Variants in HYDIN observed in about 807,000 individuals in gnomAD.
The protein encoded by HYDIN is axonemal central pair apparatus protein HYDIN.
Under a neutral mutation model 403.9 loss-of-function variants are expected in HYDIN, and 132 were observed. That is an observed-to-expected ratio of 0.33 (90% CI 0.28 to 0.38). The LOEUF (loss-of-function observed/expected upper bound fraction) is 0.38, where lower values mean the gene tolerates loss of function less well. HYDIN is among the 10% of genes least tolerant of loss of function. HYDIN has a pLI of 1.00. For missense variants in HYDIN, 2,827 were observed against 5,009.5 expected (o/e 0.56, Z 13.15); for synonymous variants, 1,202 against 1,891.7 (o/e 0.64, Z 9.46).
chr16:71,094,057 G>A (rs1015774258), intron 10 of HYDIN, 122 bp from the exon 11 acceptor site: 88 of 674,660 alleles, frequency 1.3e-4, no homozygotes, highest in African/African-American at 1.3e-3. Flanking sequence ...GCATTGCACC[G>A]AGGGAACTGC....
At chr16:71,011,336 G>T (rs1194472888) in intron 23 of HYDIN, among the ~76,000 whole-genome samples, 1 of 152,172 alleles carries the variant, frequency 6.6e-6, no homozygotes, top group Non-Finnish European at 1.5e-5. Context: ...GGAGCACAGC[G>T]CTTGGATTCT....
chr16:70,932,079 G>T (rs2077358468), intron 45 of HYDIN, among the ~76,000 whole-genome samples: 1 of 148,844 alleles, frequency 6.7e-6, no homozygotes, highest in Non-Finnish European at 1.5e-5. Context: ...GATTGGCCAG[G>T]CGCAGTGGCT....
chr16:71,127,595 T>C (rs1485474341), intron 9 of HYDIN, among the ~76,000 whole-genome samples: 1 of 150,696 alleles, frequency 6.6e-6, no homozygotes, highest in Non-Finnish European at 1.5e-5. Flanking sequence ...TTCCTACTTC[T>C]GAAATAGAAA....
At chr16:71,228,730 T>C (rs2041150120) in intron 1 of HYDIN, among the ~76,000 whole-genome samples, 1 of 152,188 alleles carries the variant, frequency 6.6e-6, no homozygotes, top group African/African-American at 2.4e-5. Context: ...AGTTCAACCA[T>C]TGTGGAAGAC....
At chr16:70,828,804 A>G (rs558365508) in intron 81 of HYDIN, among the ~76,000 whole-genome samples, 2 of 152,246 alleles carry the variant, frequency 1.3e-5, no homozygotes, top group Admixed American at 1.3e-4. Flanking sequence ...TATCATAAAG[A>G]CCGCATAGTT....
At chr16:71,211,598 C>A (rs923508604) in intron 1 of HYDIN, among the ~76,000 whole-genome samples, 5 of 142,240 alleles carry the variant, frequency 3.5e-5, no homozygotes, top group Non-Finnish European at 6.1e-5. Context: ...GCCAAGATTG[C>A]GCCACTGCAC....
intron 8 of HYDIN, among the ~76,000 whole-genome samples, chr16:71,135,577 T>C (rs967667780): frequency 6.8e-6 from 1 of 148,112 alleles, no homozygotes. Context: ...AGAATGATAC[T>C]GAAACACTAC....
chr16:71,151,495 G>A (rs1329339086), intron 7 of HYDIN, among the ~76,000 whole-genome samples: 1 of 151,838 alleles, frequency 6.6e-6, no homozygotes, highest in Non-Finnish European at 1.5e-5. Flanking sequence ...GACTTCCAGG[G>A]ATGGGTTCTT....
intron 15 of HYDIN, 187 bp downstream of exon 15, chr16:71,067,103 T>C: frequency 1.7e-6 from 1 of 601,284 alleles, no homozygotes; most frequent in African/African-American, 1.9e-5. Flanking sequence ...CTTCTTCTTA[T>C]CTCCACCAAA....
chr16:71,158,872 G>A (rs994842506), intron 6 of HYDIN, among the ~76,000 whole-genome samples: 1 of 139,006 alleles, frequency 7.2e-6, no homozygotes, highest in African/African-American at 2.8e-5. Context: ...TGTATTTTTT[G>A]TAGAGACGGG....
intron 59 of HYDIN, 92 bp from the exon 60 acceptor site, chr16:70,882,987 G>C (rs571230537): frequency 2.0e-6 from 2 of 1,006,500 alleles, no homozygotes; most frequent in Admixed American, 3.5e-5. Context: ...TCTCACAAAG[G>C]AGAATTGTGG....
intron 18 of HYDIN, among the ~76,000 whole-genome samples, chr16:71,049,549 A>G (rs1418174532): frequency 2.0e-5 from 3 of 152,222 alleles, no homozygotes; most frequent in Non-Finnish European, 4.4e-5. Flanking sequence ...TGAGAAGGAG[A>G]AAGAAACATC....
At chr16:71,152,163 G>A (rs2085560268) in intron 7 of HYDIN, among the ~76,000 whole-genome samples, 1 of 150,540 alleles carries the variant, frequency 6.6e-6, no homozygotes, top group Non-Finnish European at 1.5e-5. Context: ...TATTCCTCAG[G>A]CTTTCAAGCA....
chr16:70,944,881 T>C (rs2143894684), intron 41 of HYDIN, among the ~76,000 whole-genome samples: 1 of 152,328 alleles, frequency 6.6e-6, no homozygotes, highest in East Asian at 1.9e-4. Context: ...GTCTCCCAAG[T>C]AGCTGGAATT....
At chr16:70,845,599 C>T (rs1176066292) in intron 75 of HYDIN, among the ~76,000 whole-genome samples, 5 of 119,016 alleles carry the variant, frequency 4.2e-5, no homozygotes, top group Non-Finnish European at 6.5e-5. Context: ...TTGATTGGAA[C>T]AGTTTCAGAA....
chr16:71,199,697 C>G (rs2144701599), intron 1 of HYDIN, among the ~76,000 whole-genome samples: 1 of 152,256 alleles, frequency 6.6e-6, no homozygotes, highest in Admixed American at 6.5e-5. Flanking sequence ...TTATCAGAAG[C>G]AGAAATCTCT....
intron 18 of HYDIN, among the ~76,000 whole-genome samples, chr16:71,042,589 T>TA (rs1387305866): frequency 2.6e-5 from 4 of 152,092 alleles, no homozygotes; most frequent in African/African-American, 7.2e-5. Context: ...AGCTGAGCTA[T>TA]AAAAAAATGG....
At chr16:71,179,279 A>G (rs1331717070) in intron 3 of HYDIN, among the ~76,000 whole-genome samples, 1 of 152,116 alleles carries the variant, frequency 6.6e-6, no homozygotes, top group Non-Finnish European at 1.5e-5. Flanking sequence ...GAGCAAAAAC[A>G]CATGCCTACT....
chr16:71,224,559 C>CTTTTTTTT (rs34595246), intron 1 of HYDIN, among the ~76,000 whole-genome samples: 3 of 117,388 alleles, frequency 2.6e-5, no homozygotes, highest in African/African-American at 9.2e-5. Context: ...TAAGGTTTTT[C>CTTTTTTTT]TTTTTTTTTT....
Sources: allele counts gnomAD v4.1 joint callset (sites outside exome capture counted in the v4.1 genomes callset), GRCh38; gene constraint gnomAD v4.1.1; transcripts MANE v1.5; gene names NCBI Gene and HGNC (gene_info 2026-07-23, HGNC 2026-07-21).